GPM6B: variants seen among roughly 807,000 people sequenced by gnomAD.
The protein encoded by GPM6B is neuronal membrane glycoprotein M6-b.
In GPM6B, 4 loss-of-function variants were observed where a neutral mutation model predicts 27.2. The ratio of observed to expected loss-of-function variants is 0.15; its 90% CI spans 0.07 to 0.34. GPM6B has a LOEUF of 0.34. GPM6B is among the 10% of genes least tolerant of loss of function. GPM6B has a pLI of 1.00. For synonymous variants in GPM6B, 124 were observed against 103.1 expected (o/e 1.20, Z -1.23); for missense variants, 183 against 261.9 (o/e 0.70, Z 2.08).
chrX:13,789,924 C>T (rs5979966), intron 2 of GPM6B, among the ~76,000 whole-genome samples: 35,865 of 110,621 alleles, frequency 0.32, 4,518 homozygotes, highest in Non-Finnish European at 0.4. Flanking sequence ...CTGCTCACTG[C>T]GGTGTTGAAC....
intron 4 of GPM6B, 26 bp downstream of exon 4, chrX:13,783,339 A>T: frequency 2.6e-6 from 3 of 1,136,125 alleles, no homozygotes; most frequent in Non-Finnish European, 2.4e-6. Context: ...TATATCAAAC[A>T]ATCAGTTATC....
rs1353377821 is a variant in GPM6B, at chrX:13,929,440, A to AC, written c.-198+8886_-198+8887insG. ...TGATGTAAGAAAAAGATTAAAAAAA[A>AC]AAAAACTTCCTTCAACTAAAAAAAA... On this transcript the variant is annotated intron_variant, in intron 1 of 6. Transcript: ENST00000398361. 9.6e-4 allele frequency among the ~76,000 whole-genome samples: 106 copies of AC among 110,218 alleles called. 1 individual carries two copies. Among genetic ancestry groups the AC allele is most frequent in the African/African-American group, 3.1e-3 (94 of 30,204 alleles).
intron 1 of GPM6B, among the ~76,000 whole-genome samples, chrX:13,810,664 A>T (rs1304478842): frequency 9.1e-6 from 1 of 110,021 alleles, no homozygotes; most frequent in African/African-American, 3.3e-5. Context: ...AATGACAATG[A>T]AAAACCATGG....
chrX:13,914,989 T>C (rs1271755964), intron 1 of GPM6B, among the ~76,000 whole-genome samples: 1 of 111,202 alleles, frequency 9.0e-6, no homozygotes. Context: ...GTGCCACAGC[T>C]GGGCACGGTG....
chrX:13,893,890 C>T (rs1182847670), intron 1 of GPM6B, among the ~76,000 whole-genome samples: 1 of 112,472 alleles, frequency 8.9e-6, no homozygotes, highest in African/African-American at 3.2e-5. Flanking sequence ...GCCTTCTGTG[C>T]AGAGATGTTG....
At chrX:13,890,158 TGCA>T (rs1249254233) in intron 1 of GPM6B, among the ~76,000 whole-genome samples, 1 of 111,383 alleles carries the variant, frequency 9.0e-6, no homozygotes, top group African/African-American at 3.3e-5. Context: ...TAAAACAGGT[TGCA>T]GTAAAGAAGC....
intron 1 of GPM6B, among the ~76,000 whole-genome samples, chrX:13,929,600 C>T (rs1226501551): frequency 8.9e-6 from 1 of 111,885 alleles, no homozygotes; most frequent in Non-Finnish European, 1.9e-5. Context: ...TTTTCAATCC[C>T]TCTTACCCTT....
chrX:13,881,166 AGCAACTGAAACAG>A (rs1178237717), intron 1 of GPM6B, among the ~76,000 whole-genome samples: 2 of 112,277 alleles, frequency 1.8e-5, no homozygotes, highest in Non-Finnish European at 3.8e-5. Flanking sequence ...CTATAGGCCC[AGCAACTGAAACAG>A]GCAACTGAAA....
At chrX:13,788,220 T>C (rs1454325651) in intron 2 of GPM6B, among the ~76,000 whole-genome samples, 1 of 112,049 alleles carries the variant, frequency 8.9e-6, no homozygotes, top group Non-Finnish European at 1.9e-5. Flanking sequence ...ATTTCATTAA[T>C]TCAGTATTTT....
intron 7 of GPM6B, chrX:13,774,439 C>T: frequency 1.7e-6 from 2 of 1,152,858 alleles, no homozygotes; most frequent in Non-Finnish European, 1.2e-6. Context: ...AAGCTATTTA[C>T]AAATTACTGT....
chrX:13,922,312 G>A (rs1320614743), intron 1 of GPM6B, among the ~76,000 whole-genome samples: 2 of 111,600 alleles, frequency 1.8e-5, no homozygotes, highest in Non-Finnish European at 3.8e-5. Flanking sequence ...CCCCGAATCT[G>A]TAACAACCAA....
chrX:13,803,109 C>A (rs2048953251), intron 2 of GPM6B, among the ~76,000 whole-genome samples: 1 of 111,841 alleles, frequency 8.9e-6, no homozygotes, highest in Non-Finnish European at 1.9e-5. Context: ...AATCCAGTAG[C>A]ATTTCCCAGG....
At chrX:13,843,413 A>G (rs1336322728) in intron 1 of GPM6B, among the ~76,000 whole-genome samples, 2 of 112,582 alleles carry the variant, frequency 1.8e-5, no homozygotes, top group African/African-American at 6.5e-5. Context: ...ACTCATGTAC[A>G]AGCTTTTGTG....
At chrX:13,873,974 A>G (rs1343986840) in intron 1 of GPM6B, among the ~76,000 whole-genome samples, 3 of 112,121 alleles carry the variant, frequency 2.7e-5, no homozygotes, top group African/African-American at 9.7e-5. Flanking sequence ...TGGCAAAAAA[A>G]CAGTCATCTT....
At chrX:13,869,635 C>G (rs1315245898) in intron 1 of GPM6B, among the ~76,000 whole-genome samples, 1 of 111,376 alleles carries the variant, frequency 9.0e-6, no homozygotes, top group Non-Finnish European at 1.9e-5. Flanking sequence ...TCCAGAATGC[C>G]CTTGTTCAGT....
chrX:13,811,567 T>C (rs1166071409), intron 1 of GPM6B, among the ~76,000 whole-genome samples: 1 of 112,432 alleles, frequency 8.9e-6, no homozygotes, highest in Non-Finnish European at 1.9e-5. Flanking sequence ...TAAGGTTTTA[T>C]TGGAACACAG....
intron 2 of GPM6B, among the ~76,000 whole-genome samples, chrX:13,797,708 C>A (rs1204527731): frequency 9.0e-6 from 1 of 111,163 alleles, no homozygotes; most frequent in African/African-American, 3.3e-5. Flanking sequence ...GTGGGCTGGA[C>A]TGGAGTGGGT....
intron 1 of GPM6B, among the ~76,000 whole-genome samples, chrX:13,829,574 C>A (rs12559564): frequency 0.23 from 25,538 of 109,895 alleles, 2,456 homozygotes; most frequent in Admixed American, 0.44. Flanking sequence ...CCTTGCCTGG[C>A]CTGGATTTCT....
intron 2 of GPM6B, among the ~76,000 whole-genome samples, chrX:13,786,957 G>A (rs1242788477): frequency 9.9e-6 from 1 of 100,832 alleles, no homozygotes; most frequent in Non-Finnish European, 2.0e-5. Flanking sequence ...ATGGCTTGTC[G>A]GGGAAATTGA....
Sources: allele counts gnomAD v4.1 joint callset (sites outside exome capture counted in the v4.1 genomes callset), GRCh38; gene constraint gnomAD v4.1.1; transcripts MANE v1.5; gene names NCBI Gene and HGNC (gene_info 2026-07-23, HGNC 2026-07-21).